PPP5C: variants seen among roughly 807,000 people sequenced by gnomAD.
PPP5C encodes the protein serine/threonine-protein phosphatase 5.
A neutral mutation model predicts 66.7 loss-of-function variants in PPP5C; 21 were observed. The observed-to-expected ratio is 0.31, with a 90% CI of 0.22 to 0.45. The LOEUF is 0.45. PPP5C is among the 20% of genes least tolerant of loss of function. The pLI is 1.00. For missense variants in PPP5C, 464 were observed against 675.9 expected (o/e 0.69, Z 3.48); for synonymous variants, 246 against 257.4 (o/e 0.96, Z 0.43).
In PPP5C at chr19:46,354,001, A is replaced by G; in HGVS notation, c.363+12A>G. ...GAGACTACGAGACGGTGAGCTGGGGAGTGGGCCAGGCCTGGCACCTGAGCC... is the reference window on the plus strand; with the variant it reads ...GAGACTACGAGACGGTGAGCTGGGGGGTGGGCCAGGCCTGGCACCTGAGCC... On this transcript the variant is annotated intron_variant, in intron 2 of 12. Coordinates refer to ENST00000012443, the MANE Select transcript of PPP5C (RefSeq NM_006247.4). 1 of 1,609,474 alleles carries G rather than the reference A, an allele frequency of 6.2e-7. No individual in the cohort carries two copies. The highest frequency in any genetic ancestry group is 2.2e-5 in the East Asian group (1 of 44,722).
intron 2 of PPP5C, among the ~76,000 whole-genome samples, chr19:46,359,899 C>T (rs1191309257): frequency 1.3e-5 from 2 of 151,310 alleles, no homozygotes; most frequent in Admixed American, 6.6e-5. Flanking sequence ...CCTGCTTCAG[C>T]CTCCTGAGTA....
intron 2 of PPP5C, among the ~76,000 whole-genome samples, chr19:46,367,219 A>G (rs1204873717): frequency 6.6e-6 from 1 of 152,218 alleles, no homozygotes; most frequent in Non-Finnish European, 1.5e-5. Flanking sequence ...TTTCTTAGGA[A>G]TTATCCCTGC....
intron 2 of PPP5C, among the ~76,000 whole-genome samples, chr19:46,358,929 A>C (rs1241976226): frequency 2.6e-5 from 4 of 152,120 alleles, no homozygotes; most frequent in Non-Finnish European, 5.9e-5. Flanking sequence ...TTTTCTCAAG[A>C]TGGGGAGTGG....
intron 7 of PPP5C, chr19:46,386,680 A>G (rs922570802): frequency 1.5e-5 from 4 of 262,360 alleles, no homozygotes; most frequent in African/African-American, 6.5e-5. Flanking sequence ...TAGCATGAGC[A>G]TAGCTCACTG....
At chr19:46,354,015 G>C (rs755031269) in intron 2 of PPP5C, 26 bp downstream of exon 2, 3 of 1,607,640 alleles carry the variant, frequency 1.9e-6, no homozygotes, top group Non-Finnish European at 2.5e-6. Context: ...GGCCAGGCCT[G>C]GCACCTGAGC....
In PPP5C at chr19:46,363,330, A is replaced by C. The variant is rs1247480672; in HGVS notation, c.363+9341A>C. On this transcript the variant is annotated intron_variant, in intron 2 of 12. Coordinates refer to ENST00000012443, the MANE Select transcript of PPP5C (RefSeq NM_006247.4). ...CTCAAAAAAAAAAAAAAAAAAAAAA[A>C]AAAAAAAAAAAAAAAAACAATTTTA... 3.6e-5 allele frequency among the ~76,000 whole-genome samples: 5 copies of C among 140,502 alleles called. 1 individual carries two copies. The highest frequency in any genetic ancestry group is 7.6e-5 in the Non-Finnish European group (5 of 65,520). 92.2% of individuals were successfully genotyped at this position (140,502 alleles called of 152,430 possible).
chr19:46,366,882 T>G (rs1876501684), intron 2 of PPP5C, among the ~76,000 whole-genome samples: 2 of 152,212 alleles, frequency 1.3e-5, no homozygotes, highest in Non-Finnish European at 2.9e-5. Context: ...CCTATTCCAG[T>G]GCCTCTCTGG....
At position 46,390,516 on chromosome 19, in the gene PPP5C, CA is replaced by C; in HGVS notation, c.*171del. ...TTTGCAGAGGGGGTAGGGGCAGAGT[CA>C]GGGGCTGGCCAGAGGGTCTGCTCCC... On this transcript the variant is annotated 3_prime_UTR_variant, in exon 13 of 13. Coordinates refer to ENST00000012443, the MANE Select transcript of PPP5C (RefSeq NM_006247.4). 1.4e-6 allele frequency: 2 copies of C among 1,456,884 alleles called. No homozygotes were observed. The highest frequency in any genetic ancestry group is 2.8e-5 in the South Asian group (2 of 72,330). The allele number at this position is 1,456,884 out of a possible 1,614,324, so 90.2% of individuals were successfully genotyped here.
intron 2 of PPP5C, 85 bp from the exon 3 acceptor site, chr19:46,375,519 A>G: frequency 1.9e-6 from 3 of 1,545,112 alleles, no homozygotes; most frequent in Non-Finnish European, 2.6e-6. Flanking sequence ...TTCCACTTTC[A>G]TGGAACCCAG....
At chr19:46,389,939 G>A in intron 11 of PPP5C, 112 bp from the exon 12 acceptor site, 2 of 883,336 alleles carry the variant, frequency 2.3e-6, no homozygotes, top group East Asian at 2.5e-5. Context: ...TGTCTGTTGT[G>A]GCTCTGTCCC....
At chr19:46,347,844 T>C (rs183604791) in intron 1 of PPP5C, among the ~76,000 whole-genome samples, 3 of 151,798 alleles carry the variant, frequency 2.0e-5, no homozygotes, top group East Asian at 3.9e-4. Flanking sequence ...GTACCTGTTA[T>C]GTGCCAAGGA....
chr19:46,384,460 C>T, intron 6 of PPP5C: 1 of 303,704 alleles, frequency 3.3e-6, no homozygotes, highest in South Asian at 4.0e-5. Flanking sequence ...GCCCGTGTCC[C>T]ATCTCCCCCA....
rs754692842 is a variant in PPP5C, at chr19:46,375,720, C to G, written c.480C>G (p.Ser160=). 5.0e-6 allele frequency: 8 copies of G among 1,608,894 alleles called. No homozygotes were observed. The East Asian group carries it at 1.8e-4, about 36-fold the overall frequency. ...TCGCGGGCGACGAGCACAAGCGCTC[C>G]GTGGTGGACTCGCTGGACATCGAGA... ...RAIAGDEHKR[S]VVDSLDIESM... The change falls in exon 3 of 13, where the codon TCC becomes TCG. Residue 160 remains serine, a synonymous_variant. Transcript: ENST00000012443.
chr19:46,390,852 A>T lies in PPP5C; in HGVS notation c.*506A>T. On this transcript the variant is annotated 3_prime_UTR_variant, in exon 13 of 13. Coordinates refer to ENST00000012443, the MANE Select transcript of PPP5C (RefSeq NM_006247.4). ...TAAAATAAAGTCATTATCGGAAGTCAGCTTGTCTCTGGATGGTGGAGCCGA... is the reference window on the plus strand; with the variant it reads ...TAAAATAAAGTCATTATCGGAAGTCTGCTTGTCTCTGGATGGTGGAGCCGA... The T allele has an allele frequency of 8.8e-7, 1 of 1,131,712 alleles. No homozygotes were observed. Among genetic ancestry groups the T allele is most frequent in the Non-Finnish European group, 1.1e-6 (1 of 909,674 alleles). The allele number at this position is 1,131,712 out of a possible 1,614,324, so 70.1% of individuals were successfully genotyped here. A position where few individuals can be genotyped will look rare whatever the true frequency, so the allele number is the denominator to read the frequency against.
At chr19:46,348,097 C>G (rs776893538) in intron 1 of PPP5C, among the ~76,000 whole-genome samples, 1 of 151,936 alleles carries the variant, frequency 6.6e-6, no homozygotes, top group Non-Finnish European at 1.5e-5. Context: ...GAGCAGGAGG[C>G]GTTTAAGCTG....
intron 2 of PPP5C, among the ~76,000 whole-genome samples, chr19:46,367,276 T>A (rs1972507059): frequency 6.6e-6 from 1 of 152,232 alleles, no homozygotes; most frequent in Non-Finnish European, 1.5e-5. Context: ...CTAGGACCAT[T>A]ACATCAGGTA....
chr19:46,368,439 C>T (rs1288624634), intron 2 of PPP5C, among the ~76,000 whole-genome samples: 4 of 152,264 alleles, frequency 2.6e-5, no homozygotes, highest in Admixed American at 2.0e-4. Context: ...GCCAGTGCCA[C>T]ACCCTTGCTG....
chr19:46,370,810 G>A (rs538850857), intron 2 of PPP5C, among the ~76,000 whole-genome samples: 2 of 151,644 alleles, frequency 1.3e-5, no homozygotes, highest in Non-Finnish European at 2.9e-5. Flanking sequence ...GCGGGATCTC[G>A]GCTCACTGCA....
In PPP5C at chr19:46,353,819, T is replaced by C. The variant is rs1409429150; in HGVS notation, c.193T>C (p.Tyr65His). The C allele has an allele frequency of 3.1e-6, 5 of 1,613,730 alleles. 1 individual carries two copies. In the South Asian group the frequency reaches 5.5e-5, roughly 18 times the overall value. The change falls in exon 2 of 13, where the codon TAT (tyrosine) becomes CAT (histidine). Residue 65 changes from tyrosine (Y) to histidine (H), a missense_variant. Around this residue, in one of 2 missense-constraint regions of PPP5C, gnomAD observed 387 missense variants for 626.0 expected, o/e 0.62. Transcript: ENST00000012443. ...GCTGAACCCCAGCAATGCCATCTAC[T>C]ATGGCAACCGCAGCCTGGCCTACCT... ...IELNPSNAIY[Y>H]GNRSLAYLRT...
Sources: allele counts gnomAD v4.1 joint callset (sites outside exome capture counted in the v4.1 genomes callset), GRCh38; gene constraint gnomAD v4.1.1; regional missense constraint gnomAD v4.1.1; transcripts MANE v1.5; gene names NCBI Gene and HGNC (gene_info 2026-07-23, HGNC 2026-07-21).